Variants in RIOK1 observed in about 807,000 individuals in gnomAD.
RIOK1 encodes RIO kinase 1, also known as serine/threonine-protein kinase RIO1.
Under a neutral mutation model 73.5 loss-of-function variants are expected in RIOK1, and 66 were observed. The observed-to-expected ratio is 0.90, with a 90% CI of 0.74 to 1.10. The LOEUF (loss-of-function observed/expected upper bound fraction) is 1.10. Among genes scored for constraint, RIOK1 ranks in the 50% least tolerant of loss-of-function variants. The probability of loss-of-function intolerance (pLI) is 0.00; values close to 1 mark genes in which losing one functional copy is unlikely to be tolerated. For synonymous variants in RIOK1, 224 were observed against 226.8 expected, an observed-to-expected ratio of 0.99 and a Z score of 0.11; for missense variants, 658 against 699.8, an observed-to-expected ratio of 0.94 and a Z score of 0.67.
At chr6:7,407,837 G>A (rs1358665718) in intron 12 of RIOK1, among the ~76,000 whole-genome samples, 1 of 151,760 alleles carries the variant, frequency 6.6e-6, no homozygotes, top group African/African-American at 2.4e-5. Flanking sequence ...TTGTTGAGTT[G>A]TTTGTATTTT....
intron 12 of RIOK1, among the ~76,000 whole-genome samples, chr6:7,408,091 C>A (rs1368298970): frequency 6.6e-6 from 1 of 152,224 alleles, no homozygotes; most frequent in Non-Finnish European, 1.5e-5. Flanking sequence ...GGCTGGAGTG[C>A]AATGGCACAA....
chr6:7,417,236 C>T, intron 16 of RIOK1, 95 bp from the exon 17 acceptor site: 1 of 715,934 alleles, frequency 1.4e-6, no homozygotes, highest in Admixed American at 3.1e-5. Flanking sequence ...GGCGACAGAG[C>T]AAGACCCTGT....
chr6:7,393,307 T>TGC lies in RIOK1; in HGVS notation c.276+4_276+5insGC. ...GAATGGAGGAAGCAACCCACAGGTA[T>TGC]TTTATAAAGGATCCTGCACATCTTT... is the stretch of plus-strand genomic sequence containing the variant. On this transcript the variant is annotated splice_donor_region_variant and intron_variant, in intron 2 of 16. Coordinates refer to ENST00000379834, the MANE Select transcript of RIOK1 (RefSeq NM_031480.3). 1 of 1,613,172 alleles carries TGC rather than the reference T, an allele frequency of 6.2e-7. No homozygotes were observed. Among genetic ancestry groups the TGC allele is most frequent in the Non-Finnish European group, 8.5e-7 (1 of 1,179,128 alleles).
chr6:7,404,365 A>G, intron 9 of RIOK1, 53 bp from the exon 10 acceptor site: 1 of 1,603,652 alleles, frequency 6.2e-7, no homozygotes, highest in South Asian at 1.1e-5. Context: ...CAGTATAGTA[A>G]GAAGCAAGAA....
At chr6:7,398,859 T>C in intron 5 of RIOK1, 119 bp downstream of exon 5, 1 of 763,634 alleles carries the variant, frequency 1.3e-6, no homozygotes, top group African/African-American at 1.8e-5. Context: ...TACTCCTATA[T>C]AAAATTATTC....
rs1761439001 is a variant in RIOK1 at position 7,395,096 on chromosome 6, C to T, written c.320C>T (p.Thr107Ile). 1 of 1,613,858 alleles carries T rather than the reference C, an allele frequency of 6.2e-7. No homozygotes were observed. The highest frequency in any genetic ancestry group is 1.1e-5 in the South Asian group (1 of 91,048). Residue 107 changes from threonine (T) to isoleucine (I), a missense_variant, in exon 3 of 17, where the codon ACT becomes ATT. Transcript: ENST00000379834. ...TSDSSSAKMS[T>I]PADKVLRKFE... ...GACAGCAGTTCAGCCAAAATGTCTA[C>T]TCCAGCAGACAAGGTCTTACGGAAA...
In RIOK1 at chr6:7,402,915, G is replaced by GTGTA. The variant is rs763955845; in HGVS notation, c.767+22_767+25dup. 6.2e-7 allele frequency: 1 copy of GTGTA among 1,608,498 alleles called. No individual in the cohort carries two copies. Among genetic ancestry groups the GTGTA allele is most frequent in the South Asian group, 1.1e-5 (1 of 90,616 alleles). ...TTAATCAGGTGACTGTCTGGGATGT[G>GTGTA]TGTATGTCTGTCCTATGCCCTGTAC... is the stretch of plus-strand genomic sequence containing the variant. On this transcript the variant is annotated intron_variant, in intron 8 of 16. Transcript: ENST00000379834.
rs962014021 is a variant in RIOK1, at chr6:7,393,266, C to G, written c.239C>G (p.Ala80Gly). ...WDWDEGVGKL[A>G]KGYVWNGGSN... ...TGGGATGAAGGAGTTGGAAAACTCG[C>G]CAAGGGTTATGTCTGGAATGGAGGA... The change falls in exon 2 of 17, where the codon GCC becomes GGC. Residue 80 changes from alanine (A) to glycine (G), a missense_variant. Physicochemically the swap from Ala to Gly is moderately conservative, Grantham distance 60. Coordinates refer to ENST00000379834, the MANE Select transcript of RIOK1 (RefSeq NM_031480.3). The G allele has an allele frequency of 6.2e-7, 1 of 1,613,806 alleles. No individual in the cohort carries two copies. The highest frequency in any genetic ancestry group is 1.3e-5 in the African/African-American group (1 of 74,858).
At chr6:7,411,882 T>C (rs932496155) in intron 14 of RIOK1, among the ~76,000 whole-genome samples, 2 of 152,190 alleles carry the variant, frequency 1.3e-5, no homozygotes, top group African/African-American at 4.8e-5. Context: ...AGAAAAAAAT[T>C]CACCCTCAAT....
rs779623905 is a variant in RIOK1 at position 7,404,473 on chromosome 6, T to C, written c.910T>C (p.Tyr304His). ...QLSESKAREL[Y>H]LQVIQYMRRM... ...ATCAGAATCCAAGGCTCGGGAGTTG[T>C]ACCTGCAGGTCATTCAGTACATGAG... Residue 304 changes from tyrosine to histidine, a missense_variant, in exon 10 of 17, where the codon TAC becomes CAC. Physicochemically the swap from Tyr to His is moderately conservative, Grantham distance 83. Transcript: ENST00000379834. The C allele has an allele frequency of 3.7e-6, 6 of 1,614,064 alleles. No homozygotes were observed. In the South Asian group the frequency reaches 5.5e-5, roughly 15 times the overall value.
rs1321645128 is a variant in RIOK1, at chr6:7,398,712, A to G, written c.452A>G (p.Asp151Gly). ...TTTTTGGTTAGGTATCGCATCAAAG[A>G]TAAGGCAGACAGAGCAACTGTAGAA... ...QKEADMYRIK[D>G]KADRATVEQV... The change falls in exon 5 of 17, where the codon GAT becomes GGT. Residue 151 changes from aspartate (D) to glycine (G), a missense_variant. Asp to Gly is a moderately conservative substitution (Grantham distance 94). Transcript: ENST00000379834. The G allele has an allele frequency of 1.2e-6, 2 of 1,613,144 alleles. No homozygotes were observed. The highest frequency in any genetic ancestry group is 1.3e-5 in the African/African-American group (1 of 74,920).
chr6:7,414,969 G>A (rs544949032), intron 16 of RIOK1, among the ~76,000 whole-genome samples: 4 of 152,288 alleles, frequency 2.6e-5, no homozygotes, highest in Non-Finnish European at 2.9e-5. Flanking sequence ...CTCCCCACCC[G>A]TTAGTCACTT....
chr6:7,411,239 A>G (rs1446172400), intron 13 of RIOK1, 93 bp from the exon 14 acceptor site: 5 of 1,356,270 alleles, frequency 3.7e-6, no homozygotes, highest in Non-Finnish European at 5.1e-6. Flanking sequence ...GAATGAATAT[A>G]TAGATTCCCC....
chr6:7,409,044 A>T (rs530415471), intron 12 of RIOK1, among the ~76,000 whole-genome samples: 1 of 149,354 alleles, frequency 6.7e-6, no homozygotes, highest in Non-Finnish European at 1.5e-5. Context: ...TATTTTTTTG[A>T]CGGAGTTTCG....
At chr6:7,394,908 C>T in intron 2 of RIOK1, 145 bp from the exon 3 acceptor site, 2 of 1,277,584 alleles carry the variant, frequency 1.6e-6, no homozygotes, top group Non-Finnish European at 2.2e-6. Context: ...ATTTTTTGAG[C>T]CAATTTGATT....
chr6:7,406,582 T>C (rs1384236770), intron 12 of RIOK1, among the ~76,000 whole-genome samples: 1 of 152,196 alleles, frequency 6.6e-6, no homozygotes, highest in Non-Finnish European at 1.5e-5. Context: ...TCATATAGTA[T>C]TTGTCTTTTT....
chr6:7,416,539 T>C lies in RIOK1; in HGVS notation c.1597-792T>C, dbSNP rs559327148. ...GGCAGGCGCCTGTAGTCCCAGCTCC[T>C]TGGGAGGCTGAGGCAGGAGAATGGC... On this transcript the variant is annotated intron_variant, in intron 16 of 16. Transcript: ENST00000379834. 1.0e-3 allele frequency among the ~76,000 whole-genome samples: 157 copies of C among 151,478 alleles called. 1 individual carries two copies. Among genetic ancestry groups the C allele is most frequent in the Non-Finnish European group, 1.4e-3 (92 of 67,898 alleles).
At chr6:7,407,434 A>T (rs1265289177) in intron 12 of RIOK1, among the ~76,000 whole-genome samples, 1 of 151,140 alleles carries the variant, frequency 6.6e-6, no homozygotes, top group Non-Finnish European at 1.5e-5. Flanking sequence ...AGTGACGTTG[A>T]GCATCTTTTC....
At chr6:7,408,559 T>C (rs1217345192) in intron 12 of RIOK1, among the ~76,000 whole-genome samples, 3 of 152,216 alleles carry the variant, frequency 2.0e-5, no homozygotes, top group Non-Finnish European at 4.4e-5. Flanking sequence ...AAGTCCCTAA[T>C]TCTGTCACCC....
Sources: gnomAD v4.1 joint callset for allele counts (sites outside exome capture counted in the v4.1 genomes callset) on GRCh38, gnomAD v4.1.1 for gene constraint, MANE v1.5 for transcripts, NCBI Gene and HGNC (gene_info 2026-07-23, HGNC 2026-07-21) for gene names.